Variants in RIMS2 observed in about 807,000 individuals in gnomAD.
RIMS2 encodes regulating synaptic membrane exocytosis protein 2.
In RIMS2, 59 loss-of-function variants were observed where a neutral mutation model predicts 174.4. The ratio of observed to expected loss-of-function variants is 0.34; its 90% CI spans 0.27 to 0.42. The LOEUF is 0.42. Among genes scored for constraint, RIMS2 ranks in the 10% least tolerant of loss-of-function variants. RIMS2 has a pLI of 1.00. For missense variants in RIMS2, 1,620 were observed against 1,666.3 expected, an observed-to-expected ratio of 0.97 and a Z score of 0.48; for synonymous variants, 606 against 572.5, an observed-to-expected ratio of 1.06 and a Z score of -0.84.
At chr8:103,518,812 T>C (rs1282795583) in intron 1 of RIMS2, among the ~76,000 whole-genome samples, 1 of 152,132 alleles carries the variant, frequency 6.6e-6, no homozygotes, top group East Asian at 1.9e-4. Flanking sequence ...CTCACTAGCA[T>C]GAGAATTCCT....
chr8:103,792,372 A>G (rs142726116), intron 3 of RIMS2, among the ~76,000 whole-genome samples: 4,742 of 152,276 alleles, frequency 0.031, 225 homozygotes, highest in African/African-American at 0.11. Context: ...TTTGAAACCA[A>G]TAAGAACAAA....
intron 1 of RIMS2, among the ~76,000 whole-genome samples, chr8:103,662,470 G>C (rs1439784264): frequency 1.3e-5 from 2 of 152,210 alleles, no homozygotes; most frequent in East Asian, 3.9e-4. Context: ...GGATAAAAGT[G>C]TTTTTACTCT....
At chr8:104,079,545 G>A (rs1206858415) in intron 19 of RIMS2, among the ~76,000 whole-genome samples, 1 of 132,156 alleles carries the variant, frequency 7.6e-6, no homozygotes, top group Non-Finnish European at 1.6e-5. Flanking sequence ...TGATCAAATA[G>A]AACAGATACA....
chr8:103,773,517 G>A (rs143784284), intron 3 of RIMS2, among the ~76,000 whole-genome samples: 336 of 152,192 alleles, frequency 2.2e-3, no homozygotes, highest in African/African-American at 7.7e-3. Context: ...ATCATCTGAG[G>A]TCAGGAGTTC....
chr8:103,876,880 A>AAAATG (rs2099141749), intron 3 of RIMS2, among the ~76,000 whole-genome samples: 1 of 35,694 alleles, frequency 2.8e-5, no homozygotes, highest in Non-Finnish European at 6.4e-5. Context: ...ATATATATAT[A>AAAATG]TATATATATA....
intron 1 of RIMS2, among the ~76,000 whole-genome samples, chr8:103,542,645 T>A (rs1168684263): frequency 6.6e-6 from 1 of 152,124 alleles, no homozygotes; most frequent in African/African-American, 2.4e-5. Context: ...CAAACTGAAT[T>A]CAACACCATA....
intron 19 of RIMS2, among the ~76,000 whole-genome samples, chr8:104,226,173 G>T (rs575551381): frequency 6.6e-6 from 1 of 152,174 alleles, no homozygotes; most frequent in Admixed American, 6.5e-5. Flanking sequence ...TTTTCACACT[G>T]GTTAATAGCA....
intron 2 of RIMS2, among the ~76,000 whole-genome samples, chr8:103,698,762 T>G (rs939856646): frequency 6.6e-6 from 1 of 152,128 alleles, no homozygotes; most frequent in African/African-American, 2.4e-5. Context: ...CATGCCATGG[T>G]GCCTGTCTGA....
intron 1 of RIMS2, among the ~76,000 whole-genome samples, chr8:103,579,985 A>C (rs1402815818): frequency 6.6e-6 from 1 of 152,144 alleles, no homozygotes; most frequent in East Asian, 1.9e-4. Context: ...TGAGAACAGC[A>C]AGGGGGAAAT....
At chr8:104,118,617 C>A (rs2132183692) in intron 19 of RIMS2, among the ~76,000 whole-genome samples, 1 of 152,100 alleles carries the variant, frequency 6.6e-6, no homozygotes, top group East Asian at 1.9e-4. Context: ...GATCTGCCTG[C>A]CTCGGCCTCC....
At chr8:103,892,944 G>T (rs983351776) in intron 4 of RIMS2, among the ~76,000 whole-genome samples, 1 of 151,988 alleles carries the variant, frequency 6.6e-6, no homozygotes, top group East Asian at 1.9e-4. Flanking sequence ...GTATACTTTT[G>T]TGGAGGATAT....
chr8:103,607,744 A>C (rs1455379159), intron 1 of RIMS2, among the ~76,000 whole-genome samples: 1 of 134,878 alleles, frequency 7.4e-6, no homozygotes, highest in Non-Finnish European at 1.6e-5. Context: ...ACTTCATTTC[A>C]TTCATTTCAT....
intron 1 of RIMS2, among the ~76,000 whole-genome samples, chr8:103,587,846 C>A (rs1054304772): frequency 3.3e-5 from 5 of 152,012 alleles, no homozygotes; most frequent in Non-Finnish European, 5.9e-5. Context: ...AGACCTGGAA[C>A]GTGACAGTGA....
chr8:103,996,111 T>C (rs1467993454), intron 17 of RIMS2, among the ~76,000 whole-genome samples: 4 of 151,906 alleles, frequency 2.6e-5, no homozygotes, highest in Non-Finnish European at 5.9e-5. Context: ...TAGAAGGGAC[T>C]TTAGAGATGA....
At chr8:104,143,905 T>C (rs2098606468) in intron 19 of RIMS2, among the ~76,000 whole-genome samples, 1 of 152,214 alleles carries the variant, frequency 6.6e-6, no homozygotes, top group Non-Finnish European at 1.5e-5. Flanking sequence ...TTTACATTCT[T>C]AAGACTCAGA....
intron 2 of RIMS2, among the ~76,000 whole-genome samples, chr8:103,729,823 T>C (rs2097569665): frequency 6.6e-6 from 1 of 152,184 alleles, no homozygotes; most frequent in South Asian, 2.1e-4. Flanking sequence ...TCAGGAGCAT[T>C]ATTTAATTTC....
At chr8:103,662,758 C>T (rs972368544) in intron 1 of RIMS2, among the ~76,000 whole-genome samples, 1 of 152,082 alleles carries the variant, frequency 6.6e-6, no homozygotes, top group African/African-American at 2.4e-5. Context: ...GTGTCAATAA[C>T]AAGCTACAAG....
intron 1 of RIMS2, among the ~76,000 whole-genome samples, chr8:103,693,494 T>C (rs1432765732): frequency 1.3e-5 from 2 of 152,226 alleles, no homozygotes; most frequent in African/African-American, 4.8e-5. Context: ...GATTGCTTTT[T>C]TGGTAGTGTT....
At chr8:104,084,909 C>A (rs1420421699) in intron 19 of RIMS2, among the ~76,000 whole-genome samples, 1 of 152,156 alleles carries the variant, frequency 6.6e-6, no homozygotes, top group Non-Finnish European at 1.5e-5. Context: ...AGTGGAAGAG[C>A]AGTTACACAC....
Sources: allele counts gnomAD v4.1 joint callset (sites outside exome capture counted in the v4.1 genomes callset), GRCh38; gene constraint gnomAD v4.1.1; transcripts MANE v1.5; gene names NCBI Gene and HGNC (gene_info 2026-07-23, HGNC 2026-07-21).